The following RDX variants were observed in gnomAD, a reference collection of about 807,000 sequenced individuals.
The protein encoded by RDX is radixin, also known as deafness, autosomal recessive 24.
RDX carries 32 observed loss-of-function variants against 83.7 expected under a neutral mutation model. The ratio of observed to expected loss-of-function variants is 0.38; its 90% CI spans 0.29 to 0.51. The LOEUF (loss-of-function observed/expected upper bound fraction) is 0.51, where lower values mean the gene tolerates loss of function less well. Ranked by LOEUF, RDX falls within the 20% of genes least tolerant of loss-of-function variation. The probability of loss-of-function intolerance (pLI) is 0.87; values close to 1 mark genes in which losing one functional copy is unlikely to be tolerated. For missense variants in RDX, 600 were observed against 689.9 expected (o/e 0.87, Z 1.46); for synonymous variants, 229 against 222.7 (o/e 1.03, Z -0.25).
At position 110,233,438 on chromosome 11, in the gene RDX, C is replaced by T; in HGVS notation, c.1386G>A (p.Glu462=). 1 of 1,614,016 alleles carries T rather than the reference C, an allele frequency of 6.2e-7. No individual in the cohort carries two copies. ...AQEDLEKTKE[E]LKTVMSAPPP... is the part of the protein sequence containing the mutation. ...GGGGGGCAGACATCACAGTTTTTAA[C>T]TCTTCTTTGGTCTTTTCCAAGTCTT... Residue 462 remains glutamate (E), a synonymous_variant, in exon 13 of 14, where the codon GAG becomes GAA. Transcript: ENST00000645495.
At chr11:110,292,849 CT>C (rs1217607405) in intron 1 of RDX, among the ~76,000 whole-genome samples, 1 of 152,102 alleles carries the variant, frequency 6.6e-6, no homozygotes, top group Non-Finnish European at 1.5e-5. Context: ...AGTTGGCAAA[CT>C]TTTTTTGTAA....
chr11:110,236,247 A>C, intron 11 of RDX, 56 bp from the exon 12 acceptor site: 1 of 1,353,158 alleles, frequency 7.4e-7, no homozygotes, highest in African/African-American at 1.5e-5. Flanking sequence ...ATAATCTTAT[A>C]AGTCAACAAA....
chr11:110,270,552 AGATT>A (rs1318220522), intron 3 of RDX, among the ~76,000 whole-genome samples: 1 of 152,228 alleles, frequency 6.6e-6, no homozygotes, highest in African/African-American at 2.4e-5. Flanking sequence ...CACTTTACAT[AGATT>A]TTCATTTAAC....
chr11:110,274,536 G>C (rs1860435955), intron 2 of RDX, among the ~76,000 whole-genome samples: 1 of 152,040 alleles, frequency 6.6e-6, no homozygotes, highest in African/African-American at 2.4e-5. Flanking sequence ...CTGTTGCCTA[G>C]GTTGGAGCAC....
Position 110,258,200 on chromosome 11 carries a change from C to CAAAAAAAAAAAA in RDX, c.468-23_468-12dup. The CAAAAAAAAAAAA allele has an allele frequency of 8.2e-7, 1 of 1,224,414 alleles. No individual in the cohort carries two copies. Among genetic ancestry groups the CAAAAAAAAAAAA allele is most frequent in the Non-Finnish European group, 1.1e-6 (1 of 889,978 alleles). 75.8% of individuals were successfully genotyped at this position (1,224,414 alleles called of 1,614,324 possible). ...TGTTGTTCCAATACACTAAGAGGAC[C>CAAAAAAAAAAAA]AAAAAAAAAAAAAAATTATAATGAC... is the stretch of plus-strand genomic sequence containing the variant. On this transcript the variant is annotated splice_polypyrimidine_tract_variant and intron_variant, in intron 5 of 13. Coordinates refer to ENST00000645495, the MANE Select transcript of RDX (RefSeq NM_002906.4).
chr11:110,189,232 T>A (rs1245053064), intron 15 of RDX, among the ~76,000 whole-genome samples: 4 of 22,754 alleles, frequency 1.8e-4, no homozygotes, highest in Admixed American at 4.9e-4. Context: ...AAACTTTAAA[T>A]GAACAACAGG....
chr11:110,195,392 T>C (rs1340708550), intron 15 of RDX, among the ~76,000 whole-genome samples: 1 of 152,164 alleles, frequency 6.6e-6, no homozygotes, highest in East Asian at 1.9e-4. Context: ...ATAATGCTGC[T>C]TCACATCCCA....
At chr11:110,268,509 G>A (rs567767727) in intron 3 of RDX, among the ~76,000 whole-genome samples, 6 of 152,088 alleles carry the variant, frequency 3.9e-5, no homozygotes, top group East Asian at 1.9e-4. Flanking sequence ...AGCTTGGAGC[G>A]GCAGGAGTAG....
At chr11:110,216,719 T>C (rs766266669) in intron 14 of RDX, among the ~76,000 whole-genome samples, 29 of 151,138 alleles carry the variant, frequency 1.9e-4, no homozygotes, top group Non-Finnish European at 4.0e-4. Flanking sequence ...GATCTTGCTA[T>C]GTTGCCCAGG....
intron 14 of RDX, among the ~76,000 whole-genome samples, chr11:110,202,639 C>G (rs1214757648): frequency 7.1e-6 from 1 of 140,200 alleles, no homozygotes; most frequent in Non-Finnish European, 1.5e-5. Context: ...GACATGAGGT[C>G]TCACTATGTT....
chr11:110,266,510 A>G (rs1370797914), intron 3 of RDX, among the ~76,000 whole-genome samples: 1 of 151,042 alleles, frequency 6.6e-6, no homozygotes, highest in African/African-American at 2.5e-5. Flanking sequence ...AGCTTTACAG[A>G]AAGATTCAAT....
intron 14 of RDX, among the ~76,000 whole-genome samples, chr11:110,212,083 G>A (rs1299435732): frequency 1.7e-4 from 23 of 138,236 alleles, no homozygotes; most frequent in South Asian, 5.2e-4. Context: ...TTGATAGACC[G>A]CTAGCAAGAC....
intron 5 of RDX, among the ~76,000 whole-genome samples, chr11:110,262,672 A>G: frequency 6.6e-6 from 1 of 152,332 alleles, no homozygotes; most frequent in East Asian, 1.9e-4. Flanking sequence ...CACGTTTCAC[A>G]CTTGACAATT....
intron 1 of RDX, among the ~76,000 whole-genome samples, chr11:110,280,813 G>A (rs1860730503): frequency 6.6e-6 from 1 of 152,188 alleles, no homozygotes; most frequent in Non-Finnish European, 1.5e-5. Context: ...GGGCAACAGA[G>A]CAAGACCCTG....
chr11:110,296,180 C>T (rs546905268), intron 1 of RDX, among the ~76,000 whole-genome samples: 1 of 152,306 alleles, frequency 6.6e-6, no homozygotes, highest in South Asian at 2.1e-4. Flanking sequence ...AAGGAGAATC[C>T]CGCGGCGGCG....
At position 110,283,242 on chromosome 11, in the gene RDX, C is replaced by T. The variant is rs1014703818; in HGVS notation, c.-64-3486G>A. ...GATCTTGGCTCACTGCAACCTCCGC[C>T]TTCCAGGTTCAAGCGATTCTCCTGC... On this transcript the variant is annotated intron_variant, in intron 1 of 13. Transcript: ENST00000645495. Among the ~76,000 whole-genome samples, 5 of 152,256 alleles carry T rather than the reference C, an allele frequency of 3.3e-5. No individual in the cohort carries two copies. In the South Asian group the frequency reaches 1.0e-3, roughly 32 times the overall value.
At chr11:110,184,116 G>A (rs956485541) in intron 15 of RDX, among the ~76,000 whole-genome samples, 13 of 152,232 alleles carry the variant, frequency 8.5e-5, no homozygotes, top group African/African-American at 3.1e-4. Flanking sequence ...GAGGGAGCAC[G>A]TGAGAGCCCA....
intron 5 of RDX, 89 bp from the exon 6 acceptor site, chr11:110,258,278 G>A (rs1859633508): frequency 1.2e-6 from 1 of 814,692 alleles, no homozygotes; most frequent in African/African-American, 1.7e-5. Flanking sequence ...TCAGTAACTT[G>A]ACTGTGGTAG....
Position 110,240,724 on chromosome 11 carries a change from G to A in RDX, c.1091-3072C>T, listed in dbSNP as rs536873807. ...GGCGCCACTGCACTCCAGCCTGGGC[G>A]ACAGAGCAAGACTCCGTCTCAAAAA... On this transcript the variant is annotated intron_variant, in intron 10 of 13. Coordinates refer to ENST00000645495, the MANE Select transcript of RDX (RefSeq NM_002906.4). Among the ~76,000 whole-genome samples the A allele has an allele frequency of 1.2e-3, 151 of 130,012 alleles. 3 individuals carry two copies. Among genetic ancestry groups the A allele is most frequent in the South Asian group, 8.9e-3 (35 of 3,936 alleles). 85.3% of individuals were successfully genotyped at this position (130,012 alleles called of 152,430 possible). A position where few individuals can be genotyped will look rare whatever the true frequency, so the allele number is the denominator to read the frequency against.
Sources: allele counts gnomAD v4.1 joint callset (sites outside exome capture counted in the v4.1 genomes callset), GRCh38; gene constraint gnomAD v4.1.1; transcripts MANE v1.5; gene names NCBI Gene and HGNC (gene_info 2026-07-23, HGNC 2026-07-21).